Variants in NELL2 observed in about 807,000 individuals in gnomAD.
NELL2 encodes the protein neural EGFL like 2.
In NELL2, 41 loss-of-function variants were observed where a neutral mutation model predicts 109.6. The ratio of observed to expected loss-of-function variants is 0.37; its 90% CI spans 0.29 to 0.49. The LOEUF (loss-of-function observed/expected upper bound fraction) is 0.49. NELL2 is among the 20% of genes least tolerant of loss of function. The pLI, the probability that NELL2 is intolerant of heterozygous loss-of-function variation, is 0.98. For synonymous variants in NELL2, 355 were observed against 344.7 expected (o/e 1.03, Z -0.33); for missense variants, 900 against 1,008.3 (o/e 0.89, Z 1.45).
intron 3 of NELL2, among the ~76,000 whole-genome samples, chr12:44,803,938 G>C (rs1475224627): frequency 1.3e-5 from 2 of 151,890 alleles, no homozygotes; most frequent in African/African-American, 4.8e-5. Flanking sequence ...AATGTGCATA[G>C]TTTAAGTGTG....
chr12:44,534,196 A>C (rs1942203695), intron 15 of NELL2, among the ~76,000 whole-genome samples: 1 of 152,118 alleles, frequency 6.6e-6, no homozygotes, highest in Non-Finnish European at 1.5e-5. Flanking sequence ...AAATTAATGA[A>C]TAAATGTATA....
chr12:44,919,088 G>A (rs1243824014), upstream of NELL2, among the ~76,000 whole-genome samples: 1 of 152,178 alleles, frequency 6.6e-6, no homozygotes, highest in Non-Finnish European at 1.5e-5. Flanking sequence ...TTCTTCGAAC[G>A]TGAGAAAATA....
chr12:44,649,644 G>T (rs1170322923), intron 13 of NELL2, among the ~76,000 whole-genome samples: 1 of 152,138 alleles, frequency 6.6e-6, no homozygotes, highest in Non-Finnish European at 1.5e-5. Context: ...ACATTTTCCA[G>T]ACTGCTCCTC....
intron 15 of NELL2, among the ~76,000 whole-genome samples, chr12:44,572,626 T>C (rs557381239): frequency 5.9e-5 from 9 of 152,310 alleles, no homozygotes; most frequent in African/African-American, 2.2e-4. Context: ...AATCTGTTTG[T>C]ATACAGGTAA....
chr12:44,714,638 T>G lies in NELL2; in HGVS notation c.1086+12A>C. On this transcript the variant is annotated intron_variant, in intron 10 of 19. Coordinates refer to ENST00000429094, the MANE Select transcript of NELL2 (RefSeq NM_001145108.2). ...GAAACAATTTTGAAAGACCCACGAA[T>G]AGTCTTCTTACCTTGCACTCATAGA... 6.6e-7 allele frequency: 1 copy of G among 1,513,904 alleles called. No individual in the cohort carries two copies. The allele number at this position is 1,513,904 out of a possible 1,614,324, so 93.8% of individuals were successfully genotyped here. A position where few individuals can be genotyped will look rare whatever the true frequency, so the allele number is the denominator to read the frequency against.
chr12:44,667,801 T>G (rs1481313477), intron 12 of NELL2, among the ~76,000 whole-genome samples: 1 of 152,160 alleles, frequency 6.6e-6, no homozygotes, highest in Non-Finnish European at 1.5e-5. Flanking sequence ...AACTATCTAT[T>G]GTGAGGAAAG....
intron 3 of NELL2, among the ~76,000 whole-genome samples, chr12:44,793,376 T>C (rs181549020): frequency 3.0e-4 from 45 of 152,338 alleles, no homozygotes; most frequent in African/African-American, 1.1e-3. Context: ...TCTATAATAA[T>C]AAAGTGTATT....
At chr12:44,573,600 G>T (rs956080763) in intron 15 of NELL2, among the ~76,000 whole-genome samples, 1 of 152,078 alleles carries the variant, frequency 6.6e-6, no homozygotes, top group Non-Finnish European at 1.5e-5. Flanking sequence ...AGTAGAAACA[G>T]CAAAGAACAG....
chr12:44,646,340 G>C (rs1947095033), intron 13 of NELL2, among the ~76,000 whole-genome samples: 1 of 152,186 alleles, frequency 6.6e-6, no homozygotes, highest in African/African-American at 2.4e-5. Flanking sequence ...GGGCTCTAGA[G>C]TGATCTTGTA....
At chr12:44,788,887 G>A (rs1942278408) in intron 3 of NELL2, among the ~76,000 whole-genome samples, 1 of 152,056 alleles carries the variant, frequency 6.6e-6, no homozygotes, top group African/African-American at 2.4e-5. Flanking sequence ...GTGACTGCCA[G>A]CTTTCCCCCA....
At chr12:44,558,761 A>G (rs949311710) in intron 15 of NELL2, among the ~76,000 whole-genome samples, 1 of 152,146 alleles carries the variant, frequency 6.6e-6, no homozygotes, top group Non-Finnish European at 1.5e-5. Flanking sequence ...TTGGGCAGAC[A>G]CTGAGCTAGC....
At chr12:44,571,262 C>T (rs763094294) in intron 15 of NELL2, among the ~76,000 whole-genome samples, 1 of 152,134 alleles carries the variant, frequency 6.6e-6, no homozygotes, top group Non-Finnish European at 1.5e-5. Flanking sequence ...ATTCTCCCCT[C>T]TTTATATATT....
At chr12:44,919,222 G>A (rs755112374) in intron 1 of NELL2, among the ~76,000 whole-genome samples, 2 of 152,042 alleles carry the variant, frequency 1.3e-5, no homozygotes, top group Non-Finnish European at 2.9e-5. Context: ...CCAGCAAAGA[G>A]AGGAAAAAAT....
At chr12:44,591,662 G>C (rs759215648) in intron 15 of NELL2, among the ~76,000 whole-genome samples, 1 of 152,130 alleles carries the variant, frequency 6.6e-6, no homozygotes, top group Non-Finnish European at 1.5e-5. Context: ...CAAAATTACA[G>C]CTAGATAGGA....
intron 15 of NELL2, among the ~76,000 whole-genome samples, chr12:44,536,147 G>A (rs552313977): frequency 4.6e-5 from 7 of 151,608 alleles, no homozygotes; most frequent in South Asian, 2.1e-4. Flanking sequence ...TGTTTTTTTC[G>A]CTCATGACTC....
chr12:44,875,645 A>G, intron 1 of NELL2, 170 bp downstream of exon 1: 1 of 1,588,588 alleles, frequency 6.3e-7, no homozygotes, highest in Non-Finnish European at 8.5e-7. Context: ...GCGGTCTCCA[A>G]GGCAAGCACA....
chr12:44,737,277 G>C (rs1230465267), intron 9 of NELL2, among the ~76,000 whole-genome samples: 2 of 151,630 alleles, frequency 1.3e-5, no homozygotes, highest in African/African-American at 2.4e-5. Context: ...ATGCATAATT[G>C]ATCAGAATAA....
chr12:44,611,948 T>A (rs1433861388), intron 13 of NELL2, among the ~76,000 whole-genome samples: 2 of 152,092 alleles, frequency 1.3e-5, no homozygotes, highest in Admixed American at 1.3e-4. Flanking sequence ...ACAGTGGCAC[T>A]ACTTAGTACT....
chr12:44,559,607 T>C (rs1943392027), intron 15 of NELL2, among the ~76,000 whole-genome samples: 1 of 152,142 alleles, frequency 6.6e-6, no homozygotes, highest in African/African-American at 2.4e-5. Flanking sequence ...GGTAAAGGGA[T>C]GAATGCAACA....
Sources: allele counts gnomAD v4.1 joint callset (sites outside exome capture counted in the v4.1 genomes callset), GRCh38; gene constraint gnomAD v4.1.1; transcripts MANE v1.5; gene names NCBI Gene and HGNC (gene_info 2026-07-23, HGNC 2026-07-21).